Variants in DOP1A observed in about 807,000 individuals in gnomAD.
DOP1A encodes the protein DOP1 leucine zipper like protein A.
A neutral mutation model predicts 267.6 loss-of-function variants in DOP1A; 90 were observed. That is an observed-to-expected ratio of 0.34 (90% confidence interval 0.28 to 0.40). The LOEUF (loss-of-function observed/expected upper bound fraction) is 0.40, where lower values mean the gene tolerates loss of function less well. Among genes scored for constraint, DOP1A ranks in the 10% least tolerant of loss-of-function variants. The probability of loss-of-function intolerance (pLI) is 1.00; values close to 1 mark genes in which losing one functional copy is unlikely to be tolerated. For synonymous variants in DOP1A, 932 were observed against 999.1 expected (o/e 0.93, Z 1.27); for missense variants, 2,437 against 2,900.4 (o/e 0.84, Z 3.67).
intron 4 of DOP1A, among the ~76,000 whole-genome samples, chr6:83,101,896 T>C (rs1361925163): frequency 6.6e-6 from 1 of 152,252 alleles, no homozygotes. Flanking sequence ...AGTTAAAATC[T>C]ATTTAGTAAA....
At chr6:83,153,456 G>T in intron 30 of DOP1A, 55 bp from the exon 31 acceptor site, 1 of 1,147,708 alleles carries the variant, frequency 8.7e-7, no homozygotes, top group Non-Finnish European at 1.2e-6. Flanking sequence ...TCAGTACCTT[G>T]GGATGATGTC....
chr6:83,130,729 G>A (rs1248245166), intron 17 of DOP1A, among the ~76,000 whole-genome samples: 2 of 151,914 alleles, frequency 1.3e-5, no homozygotes, highest in Admixed American at 6.6e-5. Flanking sequence ...AGATTAAGTG[G>A]TTGCAACACT....
chr6:83,092,597 AC>A lies in DOP1A; in HGVS notation c.-146-4128del, dbSNP rs371353939. Among the ~76,000 whole-genome samples the A allele has an allele frequency of 5.3e-4, 57 of 108,358 alleles. 1 individual carries two copies. The East Asian group carries it at 0.016, about 30-fold the overall frequency. 71.1% of individuals were successfully genotyped at this position (108,358 alleles called of 152,430 possible). Reference sequence around the variant, plus strand: ...ATATTCACCAGGGATATGTTTTAAGACCCCCCTAATGGATGCCTGAAACTGC... The same window carrying A: ...ATATTCACCAGGGATATGTTTTAAGACCCCCTAATGGATGCCTGAAACTGC... On this transcript the variant is annotated intron_variant, in intron 1 of 38. Transcript: ENST00000349129.
chr6:83,141,433 G>A (rs756305404), intron 23 of DOP1A, among the ~76,000 whole-genome samples: 2 of 152,082 alleles, frequency 1.3e-5, no homozygotes, highest in Non-Finnish European at 2.9e-5. Flanking sequence ...TTTGCTCCTA[G>A]ACCAGACCAC....
At chr6:83,125,283 G>T (rs1195459317) in intron 14 of DOP1A, 88 bp downstream of exon 14, 6 of 1,325,468 alleles carry the variant, frequency 4.5e-6, no homozygotes, top group East Asian at 2.5e-5. Flanking sequence ...TAAAACTGGG[G>T]TTATTTTATA....
At chr6:83,122,082 A>G (rs112895084) in intron 11 of DOP1A, 32 bp downstream of exon 11, 2 of 1,606,110 alleles carry the variant, frequency 1.2e-6, no homozygotes, top group Non-Finnish European at 1.7e-6. Context: ...TGTGACATGA[A>G]GACATAATAT....
Position 83,129,567 on chromosome 6 carries a change from T to C in DOP1A, c.2341+59T>C, listed in dbSNP as rs79219780. 1.5e-3 allele frequency: 2,064 copies of C among 1,372,688 alleles called. 20 individuals are homozygous for C. The African/African-American group carries it at 0.025, about 17-fold the overall frequency. The allele number at this position is 1,372,688 out of a possible 1,614,324, so 85.0% of individuals were successfully genotyped here. A position where few individuals can be genotyped will look rare whatever the true frequency, so the allele number is the denominator to read the frequency against. ...ATTGTCTGTAGTATGTTTTTTCTTT[T>C]TAAAAGAGGCACTCAAAACTGGGGT... On this transcript the variant is annotated intron_variant, in intron 16 of 38. Coordinates refer to ENST00000349129, the MANE Select transcript of DOP1A (RefSeq NM_015018.4).
At position 83,108,941 on chromosome 6, in the gene DOP1A, G is replaced by T; in HGVS notation, c.352G>T (p.Ala118Ser). 1.2e-6 allele frequency: 2 copies of T among 1,612,470 alleles called. No individual in the cohort carries two copies. Among genetic ancestry groups the T allele is most frequent in the Non-Finnish European group, 1.7e-6 (2 of 1,179,354 alleles). The change falls in exon 5 of 39, where the codon GCC becomes TCC. Residue 118 changes from alanine (A) to serine (S), a missense_variant. Around this residue, in one of 9 missense-constraint regions of DOP1A, gnomAD observed 251 missense variants for 359.1 expected, o/e 0.70. Coordinates refer to ENST00000349129, the MANE Select transcript of DOP1A (RefSeq NM_015018.4). Reference protein sequence around the residue: ...SGLFPLLANAAMSVKPTLLSL... With the variant: ...SGLFPLLANASMSVKPTLLSL... ...ATTATTTCCTCTTCTTGCAAATGCT[G>T]CCATGTCTGTGAAACCAACATTGCT...
At chr6:83,107,605 A>G (rs1296149042) in intron 4 of DOP1A, among the ~76,000 whole-genome samples, 2 of 152,206 alleles carry the variant, frequency 1.3e-5, no homozygotes, top group East Asian at 3.8e-4. Context: ...CAATTCAAAT[A>G]AAGAATGATA....
chr6:83,145,521 T>C lies in DOP1A; in HGVS notation c.5542-3T>C. On this transcript the variant is annotated splice_region_variant and splice_polypyrimidine_tract_variant and intron_variant, in intron 24 of 38. Coordinates refer to ENST00000349129, the MANE Select transcript of DOP1A (RefSeq NM_015018.4). ...TACATACATACAATGATTTATTACCTAGGTCATTCCTGCAGCCAGTGAAGA... is the reference window on the plus strand; with the variant it reads ...TACATACATACAATGATTTATTACCCAGGTCATTCCTGCAGCCAGTGAAGA... The C allele has an allele frequency of 1.9e-6, 3 of 1,584,942 alleles. No homozygotes were observed. The highest frequency in any genetic ancestry group is 2.6e-6 in the Non-Finnish European group (3 of 1,164,982).
At chr6:83,107,414 A>G (rs371870203) in intron 4 of DOP1A, among the ~76,000 whole-genome samples, 2 of 152,200 alleles carry the variant, frequency 1.3e-5, no homozygotes, top group African/African-American at 4.8e-5. Context: ...AACTGAAGCC[A>G]TTCTTTCTTG....
At chr6:83,158,386 A>AT (rs1783346561) in intron 35 of DOP1A, among the ~76,000 whole-genome samples, 181 bp from the exon 36 acceptor site, 1 of 152,208 alleles carries the variant, frequency 6.6e-6, no homozygotes, top group Non-Finnish European at 1.5e-5. Context: ...TCACCAAATG[A>AT]TTAGCAAGGC....
At chr6:83,070,147 A>G (rs979081444) in intron 1 of DOP1A, among the ~76,000 whole-genome samples, 3 of 152,132 alleles carry the variant, frequency 2.0e-5, no homozygotes, top group Admixed American at 1.3e-4. Flanking sequence ...TTAATGCACA[A>G]TTTTGCTTGC....
At position 83,125,482 on chromosome 6, in the gene DOP1A, T is replaced by TTTCAC; in HGVS notation, c.1486-15_1486-11dup. Reference sequence around the variant, plus strand: ...TTCCACATTGTTTAAACTTTTTTCATTTCACTTTTATTTTCAGGAGACTTA... The same window carrying TTTCAC: ...TTCCACATTGTTTAAACTTTTTTCATTTCACTTCACTTTTATTTTCAGGAGACTTA... On this transcript the variant is annotated splice_polypyrimidine_tract_variant and intron_variant, in intron 14 of 38. Coordinates refer to ENST00000349129, the MANE Select transcript of DOP1A (RefSeq NM_015018.4). The TTTCAC allele has an allele frequency of 6.2e-7, 1 of 1,608,026 alleles. No homozygotes were observed. Among genetic ancestry groups the TTTCAC allele is most frequent in the Non-Finnish European group, 8.5e-7 (1 of 1,176,646 alleles).
chr6:83,107,901 T>C (rs1773909967), intron 4 of DOP1A, among the ~76,000 whole-genome samples: 1 of 152,158 alleles, frequency 6.6e-6, no homozygotes, highest in African/African-American at 2.4e-5. Context: ...GTAAAATTGG[T>C]GAGTATCAGT....
At chr6:83,094,185 A>G (rs76942740) in intron 1 of DOP1A, among the ~76,000 whole-genome samples, 4,576 of 152,152 alleles carry the variant, frequency 0.03, 88 homozygotes, top group East Asian at 0.083. Flanking sequence ...TCTTATGTCA[A>G]TGGCTTCTTT....
At position 83,138,277 on chromosome 6, in the gene DOP1A, A is replaced by G; in HGVS notation, c.4235A>G (p.Tyr1412Cys). 1 of 1,613,084 alleles carries G rather than the reference A, an allele frequency of 6.2e-7. No homozygotes were observed. Among genetic ancestry groups the G allele is most frequent in the South Asian group, 1.1e-5 (1 of 91,082 alleles). Reference sequence around the variant, plus strand: ...TCAACTACTAGTGTAAATAATGCATATACTCCTCAGTTGTCTCTCCTTCAG... The same window carrying G: ...TCAACTACTAGTGTAAATAATGCATGTACTCCTCAGTTGTCTCTCCTTCAG... ...AISTTSVNNA[Y>C]TPQLSLLQNL... The change falls in exon 21 of 39, where the codon TAT (tyrosine) becomes TGT (cysteine). Residue 1412 changes from tyrosine to cysteine, a missense_variant. By Grantham distance (194) the Tyr-to-Cys change is radical. Transcript: ENST00000349129.
rs769887580 is a variant in DOP1A, at chr6:83,130,139, G to A, written c.2358G>A (p.Gln786=). Residue 786 remains glutamine (Q), a synonymous_variant, in exon 17 of 39, where the codon CAG becomes CAA. Transcript: ENST00000349129. ...EKLETDCEHV[Q]PPQWLQTLMN... ...TTGTTTCAGACTGTGAGCATGTGCA[G>A]CCTCCACAGTGGCTCCAGACTCTGA... The A allele has an allele frequency of 1.2e-6, 2 of 1,613,870 alleles. No homozygotes were observed. Among genetic ancestry groups the A allele is most frequent in the Non-Finnish European group, 1.7e-6 (2 of 1,179,840 alleles).
At chr6:83,153,673 C>A in intron 31 of DOP1A, 53 bp downstream of exon 31, 1 of 1,407,558 alleles carries the variant, frequency 7.1e-7, no homozygotes, top group Non-Finnish European at 9.7e-7. Flanking sequence ...CTGTTAGAAA[C>A]AAGTTCTGTT....
Sources: gnomAD v4.1 joint callset for allele counts (sites outside exome capture counted in the v4.1 genomes callset) on GRCh38, gnomAD v4.1.1 for gene constraint, gnomAD v4.1.1 regional missense constraint, MANE v1.5 for transcripts, NCBI Gene and HGNC (gene_info 2026-07-23, HGNC 2026-07-21) for gene names.